The following TRIM58 variants were observed in gnomAD, a reference collection of about 807,000 sequenced individuals.
TRIM58 encodes E3 ubiquitin-protein ligase TRIM58.
In TRIM58, 38 loss-of-function variants were observed where a neutral mutation model predicts 34.1. The ratio of observed to expected loss-of-function variants is 1.12; its 90% confidence interval spans 0.86 to 1.46. The LOEUF is 1.46. TRIM58 is among the 40% of genes most tolerant of loss of function. TRIM58 has a pLI of 0.00. For missense variants in TRIM58, 677 were observed against 642.0 expected (o/e 1.05, Z -0.59); for synonymous variants, 273 against 275.7 (o/e 0.99, Z 0.10).
chr1:247,867,179 A>G (rs377704229), intron 3 of TRIM58, among the ~76,000 whole-genome samples: 1 of 152,182 alleles, frequency 6.6e-6, no homozygotes, highest in Non-Finnish European at 1.5e-5. Context: ...TAATTCCTAT[A>G]AAGATATTTA....
chr1:247,857,681 G>T lies in TRIM58; in HGVS notation c.420+15G>T. ...GCAGCTACCAGGTGAGGCGCCCCCCGGCGGGGGCTGCGGGCGCTGCGGTGA... is the reference window on the plus strand; with the variant it reads ...GCAGCTACCAGGTGAGGCGCCCCCCTGCGGGGGCTGCGGGCGCTGCGGTGA... On this transcript the variant is annotated intron_variant, in intron 1 of 5. Coordinates refer to ENST00000366481, the MANE Select transcript of TRIM58 (RefSeq NM_015431.4). 1 of 1,222,890 alleles carries T rather than the reference G, an allele frequency of 8.2e-7. No individual in the cohort carries two copies. The highest frequency in any genetic ancestry group is 3.6e-5 in the South Asian group (1 of 27,480). 75.8% of individuals were successfully genotyped at this position (1,222,890 alleles called of 1,614,324 possible). A position where few individuals can be genotyped will look rare whatever the true frequency, so the allele number is the denominator to read the frequency against.
intron 5 of TRIM58, among the ~76,000 whole-genome samples, chr1:247,875,378 G>A (rs1434214691): frequency 6.6e-6 from 1 of 152,108 alleles, no homozygotes; most frequent in African/African-American, 2.4e-5. Flanking sequence ...TGCTTTGGAT[G>A]TAAGCCAGAC....
At chr1:247,868,541 C>T (rs1196555822) in intron 5 of TRIM58, among the ~76,000 whole-genome samples, 1 of 152,190 alleles carries the variant, frequency 6.6e-6, no homozygotes, top group Non-Finnish European at 1.5e-5. Flanking sequence ...TTGACACTAT[C>T]TATCTGGAGA....
intron 3 of TRIM58, 44 bp from the exon 4 acceptor site, chr1:247,867,801 C>T (rs147541167): frequency 4.3e-6 from 7 of 1,613,168 alleles, no homozygotes; most frequent in Non-Finnish European, 5.9e-6. Context: ...CTGTGAAAAG[C>T]AGTTCAGAGT....
At chr1:247,874,435 C>T (rs1156955225) in intron 5 of TRIM58, among the ~76,000 whole-genome samples, 1 of 152,180 alleles carries the variant, frequency 6.6e-6, no homozygotes, top group Non-Finnish European at 1.5e-5. Context: ...CCAGCACCCC[C>T]CACTAGGCCC....
rs772301855 is a variant in TRIM58 at position 247,857,219 on chromosome 1, G to A, written c.-28G>A. 6 of 1,306,934 alleles carry A rather than the reference G, an allele frequency of 4.6e-6. No individual in the cohort carries two copies. The South Asian group carries it at 9.3e-5, about 20-fold the overall frequency. 81.0% of individuals were successfully genotyped at this position (1,306,934 alleles called of 1,614,324 possible). A position where few individuals can be genotyped will look rare whatever the true frequency, so the allele number is the denominator to read the frequency against. On this transcript the variant is annotated 5_prime_UTR_variant, in exon 1 of 6. Coordinates refer to ENST00000366481, the MANE Select transcript of TRIM58 (RefSeq NM_015431.4). Reference sequence around the variant, plus strand: ...GCGAGGGGAGACGGTGCGGGCGGCCGGGAGCGCAGCCCTCCGGGAGGCGGG... The same window carrying A: ...GCGAGGGGAGACGGTGCGGGCGGCCAGGAGCGCAGCCCTCCGGGAGGCGGG...
At chr1:247,865,687 T>G (rs111582088) in intron 3 of TRIM58, among the ~76,000 whole-genome samples, 3 of 152,300 alleles carry the variant, frequency 2.0e-5, no homozygotes, top group African/African-American at 7.2e-5. Flanking sequence ...AATCTTTGTT[T>G]TTAATCCTCT....
rs771907771 is a variant in TRIM58 at position 247,857,321 on chromosome 1, G to A, written c.75G>A (p.Glu25=). ...CGGTGTGCCTGGATTTCCTGCAGGA[G>A]CCGGTCAGCGTGGACTGCGGCCACA... ...RCPVCLDFLQ[E]PVSVDCGHSF... The change falls in exon 1 of 6, where the codon GAG becomes GAA. Residue 25 remains glutamate (E), a synonymous_variant. Transcript: ENST00000366481. 6.9e-7 allele frequency: 1 copy of A among 1,455,238 alleles called. No individual in the cohort carries two copies. The highest frequency in any genetic ancestry group is 1.5e-5 in the South Asian group (1 of 68,688). 90.1% of individuals were successfully genotyped at this position (1,455,238 alleles called of 1,614,324 possible).
chr1:247,863,938 A>G (rs980180348), intron 2 of TRIM58, among the ~76,000 whole-genome samples: 1 of 152,126 alleles, frequency 6.6e-6, no homozygotes. Flanking sequence ...TGTGTTCACT[A>G]TTACCATATT....
Position 247,857,513 on chromosome 1 carries a change from G to A in TRIM58, c.267G>A (p.Ala89=). The A allele has an allele frequency of 1.6e-6, 2 of 1,288,666 alleles. No homozygotes were observed. Among genetic ancestry groups the A allele is most frequent in the East Asian group, 3.1e-5 (1 of 31,854 alleles). 79.8% of individuals were successfully genotyped at this position (1,288,666 alleles called of 1,614,324 possible). The change falls in exon 1 of 6, where the codon GCG becomes GCA. Residue 89 remains alanine, a synonymous_variant. Transcript: ENST00000366481. ...VESVRRLGLG[A]GPGARRCARH... is the part of the protein sequence containing the mutation. ...GCGTGCGGCGGCTGGGGTTGGGCGC[G>A]GGGCCCGGGGCGCGGCGATGCGCGC...
intron 1 of TRIM58, among the ~76,000 whole-genome samples, chr1:247,858,752 C>CTT (rs386370399): frequency 0.48 from 42,352 of 87,624 alleles, 15,031 homozygotes; most frequent in Non-Finnish European, 0.6. Context: ...TTGGTAGTAA[C>CTT]TTTTTTTTTT....
At chr1:247,868,423 C>G (rs954140114) in intron 5 of TRIM58, among the ~76,000 whole-genome samples, 8 of 152,166 alleles carry the variant, frequency 5.3e-5, no homozygotes, top group African/African-American at 1.7e-4. Flanking sequence ...AGAGTCAATA[C>G]AACACATCAC....
In TRIM58 at chr1:247,876,343, C is replaced by T. The variant is rs771306541; in HGVS notation, c.1315C>T (p.Leu439Phe). 2.4e-5 allele frequency: 38 copies of T among 1,614,066 alleles called. No individual in the cohort carries two copies. Among genetic ancestry groups the T allele is most frequent in the Non-Finnish European group, 3.0e-5 (35 of 1,180,042 alleles). The change falls in exon 6 of 6, where the codon CTC becomes TTC. Residue 439 changes from leucine to phenylalanine, a missense_variant. By Grantham distance (22) the Leu-to-Phe change is conservative (BLOSUM62 0). Transcript: ENST00000366481. ...ATCTTATATCTACACATTCAACCAA[C>T]TCTTCTCTGGTCTTCTTCGGCCTTA... Reference protein sequence around the residue: ...DGSYIYTFNQLFSGLLRPYFF... With the variant: ...DGSYIYTFNQFFSGLLRPYFF...
chr1:247,861,508 G>C (rs1264036331), intron 2 of TRIM58, among the ~76,000 whole-genome samples: 1 of 152,128 alleles, frequency 6.6e-6, no homozygotes, highest in Admixed American at 6.6e-5. Flanking sequence ...GTAGTGTCAA[G>C]ATTGAGAAAC....
intron 5 of TRIM58, 23 bp from the exon 6 acceptor site, chr1:247,875,877 G>C: frequency 2.5e-6 from 4 of 1,583,088 alleles, no homozygotes; most frequent in Non-Finnish European, 3.4e-6. Flanking sequence ...CCTTTCACCT[G>C]GTCCACCACA....
chr1:247,863,847 C>T lies in TRIM58; in HGVS notation c.517-858C>T, dbSNP rs1215686800. On this transcript the variant is annotated intron_variant, in intron 2 of 5. Coordinates refer to ENST00000366481, the MANE Select transcript of TRIM58 (RefSeq NM_015431.4). ...ATTCAGGTAGAAATTGGGATTAATT[C>T]TCTGACGTGAACTCTGAAATCAGTG... Among the ~76,000 whole-genome samples, 3 of 152,192 alleles carry T rather than the reference C, an allele frequency of 2.0e-5. No homozygotes were observed. The East Asian group carries it at 5.8e-4, about 29-fold the overall frequency.
In TRIM58 at chr1:247,864,870, G is replaced by T; in HGVS notation, c.682G>T (p.Ala228Ser). 6.2e-7 allele frequency: 1 copy of T among 1,611,124 alleles called. No homozygotes were observed. Among genetic ancestry groups the T allele is most frequent in the Non-Finnish European group, 8.5e-7 (1 of 1,179,266 alleles). Residue 228 changes from alanine (A) to serine (S), a missense_variant, in exon 3 of 6, where the codon GCC becomes TCC. Ala to Ser is a moderately conservative substitution (Grantham distance 99). Transcript: ENST00000366481. The part of the protein sequence containing the change: ...SKSRLVQQSK[A>S]LKELADELQE... ...GAGCCGGCTGGTCCAGCAGAGCAAG[G>T]CCCTGAAGGAGCTGGCGGATGAGCT...
At chr1:247,861,595 T>C (rs965709470) in intron 2 of TRIM58, among the ~76,000 whole-genome samples, 4 of 152,078 alleles carry the variant, frequency 2.6e-5, no homozygotes, top group African/African-American at 9.7e-5. Flanking sequence ...TAGGTTATAC[T>C]TTGCAGAATA....
At chr1:247,859,044 C>T (rs955475521) in intron 1 of TRIM58, among the ~76,000 whole-genome samples, 1 of 152,080 alleles carries the variant, frequency 6.6e-6, no homozygotes, top group African/African-American at 2.4e-5. Context: ...GTGTTACAGG[C>T]AGCCCAGCCT....
Sources: allele counts gnomAD v4.1 joint callset (sites outside exome capture counted in the v4.1 genomes callset), GRCh38; gene constraint gnomAD v4.1.1; transcripts MANE v1.5; gene names NCBI Gene and HGNC (gene_info 2026-07-23, HGNC 2026-07-21).